The following VPS13B variants were observed in gnomAD, a reference collection of about 807,000 sequenced individuals.
The protein encoded by VPS13B is intermembrane lipid transfer protein VPS13B.
In VPS13B, 285 loss-of-function variants were observed where a neutral mutation model predicts 426.4. The observed-to-expected ratio is 0.67, with a 90% CI of 0.61 to 0.74. VPS13B has a LOEUF of 0.74. VPS13B is among the 30% of genes least tolerant of loss of function. VPS13B has a pLI of 0.00. For synonymous variants in VPS13B, 1,676 were observed against 1,676.4 expected (o/e 1.00, Z 0.01); for missense variants, 4,537 against 4,782.6 (o/e 0.95, Z 1.51).
rs1449734902 is a variant in VPS13B at position 99,876,708 on chromosome 8, A to C, written c.*1042A>C. ...TGACTCAAGATCTTGGGTTACCAAG[A>C]TGTCTTAAATGTTCAGTAAATATCT... On this transcript the variant is annotated 3_prime_UTR_variant, in exon 62 of 62. Coordinates refer to ENST00000357162, the MANE Select transcript of VPS13B (RefSeq NM_152564.5). 1 of 152,244 alleles carries C rather than the reference A, an allele frequency of 6.6e-6. No homozygotes were observed. The highest frequency in any genetic ancestry group is 1.5e-5 in the Non-Finnish European group (1 of 68,044). 9.4% of individuals were successfully genotyped at this position (152,244 alleles called of 1,614,324 possible).
rs376252890 is a variant in VPS13B at position 99,557,657 on chromosome 8, C to G, written c.4949+1004C>G. Among the ~76,000 whole-genome samples the G allele has an allele frequency of 2.6e-5, 4 of 152,038 alleles. No individual in the cohort carries two copies. In the South Asian group the frequency reaches 6.2e-4, roughly 24 times the overall value. ...TGACTTATTTTCCTTTGAAAAGATACCTAGTGGTGAGACTGCTGGATTGAA... is the reference window on the plus strand; with the variant it reads ...TGACTTATTTTCCTTTGAAAAGATAGCTAGTGGTGAGACTGCTGGATTGAA... On this transcript the variant is annotated intron_variant, in intron 31 of 61. Transcript: ENST00000357162.
At chr8:99,487,119 A>C (rs76149050) in intron 25 of VPS13B, among the ~76,000 whole-genome samples, 9,225 of 151,928 alleles carry the variant, frequency 0.061, 360 homozygotes, top group African/African-American at 0.11. Flanking sequence ...AAAAAAAAAA[A>C]AAAAACAGAG....
chr8:99,484,915 G>A (rs1299892112), intron 25 of VPS13B, among the ~76,000 whole-genome samples: 1 of 151,266 alleles, frequency 6.6e-6, no homozygotes, highest in African/African-American at 2.4e-5. Context: ...AAAAGGGAAA[G>A]CTAATGTAAA....
intron 19 of VPS13B, among the ~76,000 whole-genome samples, chr8:99,323,231 A>G (rs1810073752): frequency 6.6e-6 from 1 of 152,212 alleles, no homozygotes; most frequent in African/African-American, 2.4e-5. Flanking sequence ...TCTTAGCTGC[A>G]TGACGGTAAT....
intron 28 of VPS13B, among the ~76,000 whole-genome samples, chr8:99,509,300 A>T (rs1354757764): frequency 6.6e-6 from 1 of 152,204 alleles, no homozygotes; most frequent in African/African-American, 2.4e-5. Context: ...AAGGGGAATC[A>T]AAAGAGAAAC....
intron 4 of VPS13B, among the ~76,000 whole-genome samples, chr8:99,096,921 A>G (rs918316755): frequency 1.3e-5 from 2 of 152,152 alleles, no homozygotes; most frequent in African/African-American, 4.8e-5. Context: ...AGCCCAAGGT[A>G]CTTTTATCTT....
At position 99,535,075 on chromosome 8, in the gene VPS13B, C is replaced by T. The variant is rs1823128092; in HGVS notation, c.4745+14065C>T. On this transcript the variant is annotated intron_variant, in intron 30 of 61. Transcript: ENST00000357162. ...GCCAGCCCCCTCATATCCCCTAAAC[C>T]AAAATAGAAGCTAACTAAAAAGAAA... Among the ~76,000 whole-genome samples, 3 of 151,988 alleles carry T rather than the reference C, an allele frequency of 2.0e-5. No individual in the cohort carries two copies. The South Asian group carries it at 6.2e-4, about 32-fold the overall frequency.
At chr8:99,039,048 A>G (rs1842862833) in intron 3 of VPS13B, among the ~76,000 whole-genome samples, 1 of 152,160 alleles carries the variant, frequency 6.6e-6, no homozygotes, top group African/African-American at 2.4e-5. Context: ...AAATTTGAAT[A>G]AAGTATGTAA....
At chr8:99,824,512 C>A (rs1024506704) in intron 51 of VPS13B, among the ~76,000 whole-genome samples, 8 of 151,428 alleles carry the variant, frequency 5.3e-5, no homozygotes, top group African/African-American at 1.9e-4. Context: ...AATTTCAGTT[C>A]TTTGAACAAT....
chr8:99,423,060 CT>C (rs1017495201), intron 21 of VPS13B, among the ~76,000 whole-genome samples: 2 of 151,980 alleles, frequency 1.3e-5, no homozygotes, highest in Admixed American at 1.3e-4. Flanking sequence ...TTAGCTGTTT[CT>C]TTTTTGATGG....
At chr8:99,522,764 C>T (rs1255279929) in intron 30 of VPS13B, among the ~76,000 whole-genome samples, 1 of 152,124 alleles carries the variant, frequency 6.6e-6, no homozygotes, top group Admixed American at 6.5e-5. Context: ...TCTTTGAAAG[C>T]TCACATTCAA....
At chr8:99,577,883 A>G (rs1195048596) in intron 33 of VPS13B, 3 of 478,644 alleles carry the variant, frequency 6.3e-6, no homozygotes, top group African/African-American at 2.0e-5. Flanking sequence ...CCTCTGTTAT[A>G]TACATAACTT....
intron 33 of VPS13B, among the ~76,000 whole-genome samples, chr8:99,638,681 A>G (rs1316939066): frequency 6.6e-6 from 1 of 152,158 alleles, no homozygotes; most frequent in Non-Finnish European, 1.5e-5. Context: ...CACAGACGGA[A>G]GAGATAGGAT....
chr8:99,412,234 C>G (rs1280354359), intron 21 of VPS13B, among the ~76,000 whole-genome samples: 1 of 152,130 alleles, frequency 6.6e-6, no homozygotes. Flanking sequence ...TATGTGTCCT[C>G]TCTTATTTCG....
intron 32 of VPS13B, among the ~76,000 whole-genome samples, chr8:99,576,309 A>T (rs981572019): frequency 6.6e-6 from 1 of 152,186 alleles, no homozygotes; most frequent in Non-Finnish European, 1.5e-5. Context: ...CACAGGATGT[A>T]TGCCACCAAT....
At chr8:99,312,173 A>G (rs1821023512) in intron 19 of VPS13B, among the ~76,000 whole-genome samples, 1 of 152,148 alleles carries the variant, frequency 6.6e-6, no homozygotes, top group African/African-American at 2.4e-5. Flanking sequence ...TTTACATTTA[A>G]GGTTAATATT....
At chr8:99,743,944 G>A (rs1288290483) in intron 39 of VPS13B, among the ~76,000 whole-genome samples, 1 of 152,084 alleles carries the variant, frequency 6.6e-6, no homozygotes, top group African/African-American at 2.4e-5. Context: ...AACACCAAAA[G>A]CAATGGCAAC....
At chr8:99,327,258 A>G (rs1208033414) in intron 19 of VPS13B, among the ~76,000 whole-genome samples, 2 of 152,174 alleles carry the variant, frequency 1.3e-5, no homozygotes, top group Non-Finnish European at 2.9e-5. Flanking sequence ...TCCCAATTCA[A>G]TTTAAATTTT....
chr8:99,719,960 C>T (rs1833071225), intron 37 of VPS13B, among the ~76,000 whole-genome samples: 1 of 152,106 alleles, frequency 6.6e-6, no homozygotes, highest in Non-Finnish European at 1.5e-5. Context: ...TCAGAGCTGT[C>T]CCACAAGGTT....
Sources: gnomAD v4.1 joint callset for allele counts (sites outside exome capture counted in the v4.1 genomes callset) on GRCh38, gnomAD v4.1.1 for gene constraint, MANE v1.5 for transcripts, NCBI Gene and HGNC (gene_info 2026-07-23, HGNC 2026-07-21) for gene names.